DOP1B: variants seen among roughly 807,000 people sequenced by gnomAD.
DOP1B encodes the protein DOP1 leucine zipper like protein B.
A neutral mutation model predicts 233.5 loss-of-function variants in DOP1B; 174 were observed. The observed-to-expected ratio is 0.75, with a 90% CI of 0.66 to 0.85. The LOEUF is 0.85. Among genes scored for constraint, DOP1B ranks in the 40% least tolerant of loss-of-function variants. The probability of loss-of-function intolerance (pLI) is 0.00; values close to 1 mark genes in which losing one functional copy is unlikely to be tolerated. For missense variants in DOP1B, 2,652 were observed against 2,846.6 expected, an observed-to-expected ratio of 0.93 and a Z score of 1.56; for synonymous variants, 1,190 against 1,185.6, an observed-to-expected ratio of 1.00 and a Z score of -0.08.
chr21:36,226,581 G>A (rs575089784), intron 12 of DOP1B, among the ~76,000 whole-genome samples: 60 of 151,858 alleles, frequency 4.0e-4, no homozygotes, highest in Middle Eastern at 3.4e-3. Context: ...TTACAGATGT[G>A]AGCCACCATG....
At chr21:36,183,713 G>T (rs966651228) in intron 2 of DOP1B, among the ~76,000 whole-genome samples, 7 of 152,204 alleles carry the variant, frequency 4.6e-5, no homozygotes, top group African/African-American at 1.7e-4. Flanking sequence ...TGCCGCCTCT[G>T]CCAGCCACAG....
At position 36,289,046 on chromosome 21, in the gene DOP1B, A is replaced by G. The variant is rs555614525; in HGVS notation, c.6355A>G (p.Ser2119Gly). ...DLKDEDESLR[S>G]TNKVNRTKVS... is the part of the protein sequence containing the mutation. Reference sequence around the variant, plus strand: ...AAGCGTTTCTTTGCAAATTTATAGAAGCACCAACAAAGTAAACAGAACGAA... The same window carrying G: ...AAGCGTTTCTTTGCAAATTTATAGAGGCACCAACAAAGTAAACAGAACGAA... The change falls in exon 35 of 37, where the codon AGC becomes GGC. Residue 2119 changes from serine (S) to glycine (G), a missense_variant and splice_region_variant. Around this residue, in one of 3 missense-constraint regions of DOP1B, gnomAD observed 2,617 missense variants for 2,794.3 expected, o/e 0.94. Coordinates refer to ENST00000691173, the MANE Select transcript of DOP1B (RefSeq NM_001320714.2). 7 of 1,611,368 alleles carry G rather than the reference A, an allele frequency of 4.3e-6. No homozygotes were observed. Among genetic ancestry groups the G allele is most frequent in the African/African-American group, 4.0e-5 (3 of 74,834 alleles).
chr21:36,247,983 G>C (rs1310552403), intron 20 of DOP1B, among the ~76,000 whole-genome samples: 1 of 152,152 alleles, frequency 6.6e-6, no homozygotes, highest in African/African-American at 2.4e-5. Context: ...AACTTATAAA[G>C]CCACTTGTTT....
chr21:36,240,755 T>C (rs944452975), intron 18 of DOP1B, among the ~76,000 whole-genome samples: 1 of 152,236 alleles, frequency 6.6e-6, no homozygotes, highest in African/African-American at 2.4e-5. Flanking sequence ...TAATATCTAA[T>C]GCATTTTATG....
intron 9 of DOP1B, among the ~76,000 whole-genome samples, chr21:36,217,667 G>T (rs920539536): frequency 8.5e-5 from 13 of 152,154 alleles, no homozygotes; most frequent in African/African-American, 3.1e-4. Flanking sequence ...CCCATGATGT[G>T]CTGCCTCAGG....
chr21:36,168,133 A>G (rs1027296762), intron 2 of DOP1B, among the ~76,000 whole-genome samples: 2 of 151,196 alleles, frequency 1.3e-5, no homozygotes, highest in Non-Finnish European at 3.0e-5. Context: ...TAGTAGAGAC[A>G]GGGTTTCACC....
chr21:36,266,949 T>C (rs1044970932), intron 26 of DOP1B, among the ~76,000 whole-genome samples: 1 of 152,212 alleles, frequency 6.6e-6, no homozygotes, highest in Non-Finnish European at 1.5e-5. Context: ...CCTTGTGCCC[T>C]TCACACCCTG....
Position 36,200,447 on chromosome 21 carries a change from C to A in DOP1B, c.437C>A (p.Ala146Asp), listed in dbSNP as rs559705741. ...LQKLLLPSLQAFIVGLLPGLE... is the reference protein window; with the variant it reads ...LQKLLLPSLQDFIVGLLPGLE... Reference sequence around the variant, plus strand: ...AAGCTGCTCCTGCCCAGTCTGCAGGCCTTCATCGTGGGCCTGCTGCCCGGC... The same window carrying A: ...AAGCTGCTCCTGCCCAGTCTGCAGGACTTCATCGTGGGCCTGCTGCCCGGC... The change falls in exon 4 of 37, where the codon GCC becomes GAC. Residue 146 changes from alanine to aspartate, a missense_variant. Ala to Asp is a moderately radical substitution (Grantham distance 126). Coordinates refer to ENST00000691173, the MANE Select transcript of DOP1B (RefSeq NM_001320714.2). 8.1e-6 allele frequency: 13 copies of A among 1,613,250 alleles called. No homozygotes were observed. Among genetic ancestry groups the A allele is most frequent in the Non-Finnish European group, 1.1e-5 (13 of 1,179,992 alleles).
chr21:36,270,988 A>C (rs971185583), intron 27 of DOP1B, among the ~76,000 whole-genome samples: 1 of 151,790 alleles, frequency 6.6e-6, no homozygotes, highest in African/African-American at 2.4e-5. Flanking sequence ...CAATGTATGC[A>C]TATATCAGCA....
chr21:36,253,882 G>C lies in DOP1B; in HGVS notation c.5232G>C (p.Arg1744Ser). The change falls in exon 23 of 37, where the codon AGG (arginine) becomes AGC (serine). Residue 1744 changes from arginine (R) to serine (S), a missense_variant. Physicochemically the swap from Arg to Ser is moderately radical, Grantham distance 110. Coordinates refer to ENST00000691173, the MANE Select transcript of DOP1B (RefSeq NM_001320714.2). The part of the protein sequence containing the change: ...LLHLVKEVVK[R>S]PPQVKGGDEK... ...ACCTGGTGAAGGAGGTGGTGAAGAGGCCACCCCAAGTCAAAGGGGGTGATG... is the reference window on the plus strand; with the variant it reads ...ACCTGGTGAAGGAGGTGGTGAAGAGCCCACCCCAAGTCAAAGGGGGTGATG... 1 of 1,613,964 alleles carries C rather than the reference G, an allele frequency of 6.2e-7. No individual in the cohort carries two copies. The highest frequency in any genetic ancestry group is 8.5e-7 in the Non-Finnish European group (1 of 1,179,974).
intron 32 of DOP1B, among the ~76,000 whole-genome samples, chr21:36,286,175 G>A (rs950587955): frequency 5.9e-5 from 9 of 152,072 alleles, no homozygotes; most frequent in African/African-American, 2.2e-4. Flanking sequence ...TCAGTCTTAC[G>A]TCTTTGGGGG....
At position 36,278,080 on chromosome 21, in the gene DOP1B, C is replaced by G; in HGVS notation, c.5818C>G (p.His1940Asp). The G allele has an allele frequency of 6.2e-7, 1 of 1,613,950 alleles. No individual in the cohort carries two copies. Among genetic ancestry groups the G allele is most frequent in the Non-Finnish European group, 8.5e-7 (1 of 1,179,868 alleles). ...CTATGTTTTTCCATACTTACGCAAC[C>G]ACAGGTAACGTCATCTTCGCCATTT... ...LYYVFPYLRNHSAYNAPSFRA... is the reference protein window; with the variant it reads ...LYYVFPYLRNDSAYNAPSFRA... Residue 1940 changes from histidine (H) to aspartate (D), a missense_variant, in exon 29 of 37, where the codon CAC becomes GAC. Physicochemically the swap from His to Asp is moderately conservative, Grantham distance 81 (BLOSUM62 -1). Around this residue, in one of 3 missense-constraint regions of DOP1B, gnomAD observed 2,617 missense variants for 2,794.3 expected, o/e 0.94. Coordinates refer to ENST00000691173, the MANE Select transcript of DOP1B (RefSeq NM_001320714.2).
chr21:36,288,980 A>G, intron 34 of DOP1B, 65 bp from the exon 35 acceptor site: 1 of 1,578,246 alleles, frequency 6.3e-7, no homozygotes, highest in East Asian at 2.2e-5. Flanking sequence ...GGGACAGGTC[A>G]TAGGTGAATG....
At chr21:36,164,949 GATTAT>G (rs2065895126) in intron 2 of DOP1B, 78 bp downstream of exon 2, 1 of 1,232,074 alleles carries the variant, frequency 8.1e-7, no homozygotes, top group Non-Finnish European at 1.1e-6. Context: ...GAAATTACAT[GATTAT>G]ATTATTTGTA....
intron 2 of DOP1B, among the ~76,000 whole-genome samples, chr21:36,173,606 G>A (rs910007172): frequency 6.6e-6 from 1 of 151,836 alleles, no homozygotes; most frequent in Non-Finnish European, 1.5e-5. Context: ...TGTATTTTTA[G>A]TAGAGACGGG....
chr21:36,253,637 CAA>C (rs368750677), intron 22 of DOP1B, 133 bp from the exon 23 acceptor site: 13,881 of 777,198 alleles, frequency 0.018, no homozygotes, highest in South Asian at 0.041. Context: ...GACCGTGTTT[CAA>C]AAAAAAAAAA....
rs763289785 is a variant in DOP1B at position 36,253,823 on chromosome 21, G to A, written c.5173G>A (p.Ala1725Thr). 36 of 1,613,838 alleles carry A rather than the reference G, an allele frequency of 2.2e-5. No homozygotes were observed. In the Admixed American group the frequency reaches 5.8e-4, roughly 26 times the overall value. ...GCTAACCCTTGTCGACTTGGTGTGT[G>A]CACTCAGCACCCTGCAGACTGACAC... ...SQLTLVDLVC[A>T]LSTLQTDTLL... Residue 1725 changes from alanine to threonine, a missense_variant, in exon 23 of 37, where the codon GCA becomes ACA. Around this residue, in one of 3 missense-constraint regions of DOP1B, gnomAD observed 2,617 missense variants for 2,794.3 expected, o/e 0.94. Coordinates refer to ENST00000691173, the MANE Select transcript of DOP1B (RefSeq NM_001320714.2).
intron 2 of DOP1B, among the ~76,000 whole-genome samples, chr21:36,190,768 T>G (rs2066224659): frequency 6.6e-6 from 1 of 152,246 alleles, no homozygotes; most frequent in South Asian, 2.1e-4. Flanking sequence ...ATACGTATAT[T>G]AAGCTTACTG....
At chr21:36,255,081 C>T (rs1315713820) in intron 23 of DOP1B, among the ~76,000 whole-genome samples, 1 of 151,062 alleles carries the variant, frequency 6.6e-6, no homozygotes, top group African/African-American at 2.4e-5. Flanking sequence ...TCCTGGGTAG[C>T]TGGGAGTACA....
Sources: allele counts gnomAD v4.1 joint callset (sites outside exome capture counted in the v4.1 genomes callset), GRCh38; gene constraint gnomAD v4.1.1; regional missense constraint gnomAD v4.1.1; transcripts MANE v1.5; gene names NCBI Gene and HGNC (gene_info 2026-07-23, HGNC 2026-07-21).